Variants in MSR1 observed in about 807,000 individuals in gnomAD.
MSR1 encodes macrophage scavenger receptor 1.
Under a neutral mutation model 47.2 loss-of-function variants are expected in MSR1, and 53 were observed. The ratio of observed to expected loss-of-function variants is 1.12; its 90% CI spans 0.90 to 1.41. The LOEUF (loss-of-function observed/expected upper bound fraction) is 1.41, where lower values mean the gene tolerates loss of function less well. Among genes scored for constraint, MSR1 ranks in the 40% most tolerant of loss-of-function variants. MSR1 has a pLI of 0.00. For missense variants in MSR1, 786 were observed against 546.9 expected, an observed-to-expected ratio of 1.44 and a Z score of -4.36; for synonymous variants, 239 against 185.6, an observed-to-expected ratio of 1.29 and a Z score of -2.34.
chr8:16,134,275 T>C (rs1800336524), intron 8 of MSR1, among the ~76,000 whole-genome samples: 1 of 152,142 alleles, frequency 6.6e-6, no homozygotes, highest in Non-Finnish European at 1.5e-5. Context: ...TGCATCAAAT[T>C]AGATTCTATT....
At chr8:16,144,650 A>C (rs1800650868) in intron 7 of MSR1, among the ~76,000 whole-genome samples, 1 of 152,060 alleles carries the variant, frequency 6.6e-6, no homozygotes, top group Admixed American at 6.6e-5. Flanking sequence ...AATCTTTCTG[A>C]GCTAAAGTTT....
In MSR1 at chr8:16,109,028, G is replaced by T. The variant is rs998432410; in HGVS notation, c.*1057C>A. 1 of 152,032 alleles carries T rather than the reference G, an allele frequency of 6.6e-6. No individual in the cohort carries two copies. The highest frequency in any genetic ancestry group is 2.4e-5 in the African/African-American group (1 of 41,452). 9.4% of individuals were successfully genotyped at this position (152,032 alleles called of 1,614,324 possible). A position where few individuals can be genotyped will look rare whatever the true frequency, so the allele number is the denominator to read the frequency against. On this transcript the variant is annotated 3_prime_UTR_variant, in exon 10 of 10. Transcript: ENST00000262101. ...TCTTTCTGCAGGCAGTCACTTTCAG[G>T]GTAGAATTACTGGGTTTCAGGGTAG...
chr8:16,171,892 A>G (rs1444638926), intron 3 of MSR1, among the ~76,000 whole-genome samples: 1 of 152,190 alleles, frequency 6.6e-6, no homozygotes, highest in Non-Finnish European at 1.5e-5. Flanking sequence ...ACCTGTATAA[A>G]TGGGGTACTA....
At position 16,147,096 on chromosome 8, in the gene MSR1, A is replaced by G. The variant is rs578034179; in HGVS notation, c.979+3135T>C. ...TTATTTGCATGCTGAAAGTTCTACT[A>G]TGTTGAACAAGGTAGAACAGAACCT... On this transcript the variant is annotated intron_variant, in intron 7 of 9. Transcript: ENST00000262101. 7.2e-5 allele frequency among the ~76,000 whole-genome samples: 11 copies of G among 152,316 alleles called. No homozygotes were observed. The East Asian group carries it at 1.9e-3, about 27-fold the overall frequency.
chr8:16,117,431 A>G (rs1185247637), intron 9 of MSR1, among the ~76,000 whole-genome samples: 1 of 151,982 alleles, frequency 6.6e-6, no homozygotes, highest in Non-Finnish European at 1.5e-5. Flanking sequence ...TTGCTTGTAG[A>G]CTCATATCAA....
intron 7 of MSR1, among the ~76,000 whole-genome samples, chr8:16,146,919 CA>C (rs1800715199): frequency 6.6e-6 from 1 of 152,074 alleles, no homozygotes; most frequent in Non-Finnish European, 1.5e-5. Context: ...CCATGAATCA[CA>C]GAGAGAAAAT....
chr8:16,154,444 G>A (rs1381965068), intron 6 of MSR1, among the ~76,000 whole-genome samples: 1 of 151,838 alleles, frequency 6.6e-6, no homozygotes, highest in Non-Finnish European at 1.5e-5. Context: ...CAACTTAGAG[G>A]AAAATAATTT....
intron 8 of MSR1, among the ~76,000 whole-genome samples, chr8:16,128,608 C>T (rs1357546928): frequency 6.6e-6 from 1 of 152,126 alleles, no homozygotes; most frequent in Non-Finnish European, 1.5e-5. Flanking sequence ...CCCAAGCAGA[C>T]TAATACGTTT....
chr8:16,124,424 G>A (rs1399138022), intron 8 of MSR1, among the ~76,000 whole-genome samples: 1 of 152,178 alleles, frequency 6.6e-6, no homozygotes, highest in Non-Finnish European at 1.5e-5. Context: ...CTTGTCAAGT[G>A]ACTTGTGGAA....
rs1439345776 is a variant in MSR1 at position 16,120,451 on chromosome 8, G to T, written c.1189C>A (p.Gln397Lys). The T allele has an allele frequency of 6.2e-7, 1 of 1,613,642 alleles. No individual in the cohort carries two copies. The highest frequency in any genetic ancestry group is 8.5e-7 in the Non-Finnish European group (1 of 1,179,918). ...VCRSLGYPGV[Q>K]AVHKAAHFGQ... Reference sequence around the variant, plus strand: ...AAGTGAGCTGCCTTGTGCACGGCTTGAACACCTGGGTATCCCAAGCTCCTA... The same window carrying T: ...AAGTGAGCTGCCTTGTGCACGGCTTTAACACCTGGGTATCCCAAGCTCCTA... Residue 397 changes from glutamine to lysine, a missense_variant, in exon 9 of 10, where the codon CAA (glutamine) becomes AAA (lysine). Coordinates refer to ENST00000262101, the MANE Select transcript of MSR1 (RefSeq NM_138715.3).
intron 7 of MSR1, among the ~76,000 whole-genome samples, chr8:16,147,232 T>C (rs944600744): frequency 1.3e-5 from 2 of 152,200 alleles, no homozygotes; most frequent in African/African-American, 4.8e-5. Context: ...CTGCTATGCA[T>C]GGAGAAAGTG....
intron 1 of MSR1, among the ~76,000 whole-genome samples, chr8:16,184,609 C>T (rs534599541): frequency 1.3e-5 from 2 of 152,006 alleles, no homozygotes; most frequent in South Asian, 2.1e-4. Flanking sequence ...CACAACCTAC[C>T]CAAAATATAA....
Position 16,175,216 on chromosome 8 carries a change from A to G in MSR1, c.188T>C (p.Val63Ala), listed in dbSNP as rs868425510. The change falls in exon 3 of 10, where the codon GTT (valine) becomes GCT (alanine). Residue 63 changes from valine (V) to alanine (A), a missense_variant. Coordinates refer to ENST00000262101, the MANE Select transcript of MSR1 (RefSeq NM_138715.3). Reference sequence around the variant, plus strand: ...CACTATTCCAATGAGAGGGATGAGAACTGCAAACACGAGGAGGTAAAGGGC... The same window carrying G: ...CACTATTCCAATGAGAGGGATGAGAGCTGCAAACACGAGGAGGTAAAGGGC... ...LIALYLLVFA[V>A]LIPLIGIVAA... The G allele has an allele frequency of 2.5e-6, 4 of 1,614,076 alleles. No homozygotes were observed. The highest frequency in any genetic ancestry group is 3.4e-6 in the Non-Finnish European group (4 of 1,179,976).
chr8:16,183,724 G>C (rs401635), intron 1 of MSR1, among the ~76,000 whole-genome samples: 30,529 of 137,806 alleles, frequency 0.22, 4,318 homozygotes, highest in East Asian at 0.54. Flanking sequence ...TATATATTTG[G>C]CAATTATATA....
chr8:16,115,764 G>C (rs1244042679), intron 9 of MSR1, among the ~76,000 whole-genome samples: 1 of 152,038 alleles, frequency 6.6e-6, no homozygotes, highest in African/African-American at 2.4e-5. Context: ...GATTGCTTGA[G>C]GCTAGGAGTT....
At chr8:16,142,182 G>T (rs966943897) in intron 8 of MSR1, among the ~76,000 whole-genome samples, 1 of 152,020 alleles carries the variant, frequency 6.6e-6, no homozygotes, top group South Asian at 2.1e-4. Context: ...ACAAAAATTA[G>T]CTGGGTGTGG....
intron 1 of MSR1, among the ~76,000 whole-genome samples, chr8:16,191,167 G>A (rs144740727): frequency 2.0e-5 from 3 of 152,160 alleles, no homozygotes; most frequent in African/African-American, 4.8e-5. Flanking sequence ...AAGATTATTT[G>A]TGAAACTAAC....
intron 1 of MSR1, among the ~76,000 whole-genome samples, chr8:16,183,527 CAT>C (rs1043506054): frequency 5.5e-5 from 8 of 144,188 alleles, no homozygotes; most frequent in African/African-American, 2.0e-4. Context: ...ACATCTATAA[CAT>C]GTAATACATA....
In MSR1 at chr8:16,109,587, T is replaced by C. The variant is rs1016737254; in HGVS notation, c.*498A>G. On this transcript the variant is annotated 3_prime_UTR_variant, in exon 10 of 10. Coordinates refer to ENST00000262101, the MANE Select transcript of MSR1 (RefSeq NM_138715.3). ...GTTATTGCACATTGAGATATCTTAA[T>C]AGTTGGATAACATTCTTATTTTAAA... 1.2e-5 allele frequency: 2 copies of C among 169,298 alleles called. No homozygotes were observed. Among genetic ancestry groups the C allele is most frequent in the African/African-American group, 2.4e-5 (1 of 41,544 alleles). 10.5% of individuals were successfully genotyped at this position (169,298 alleles called of 1,614,324 possible).
Sources: allele counts gnomAD v4.1 joint callset (sites outside exome capture counted in the v4.1 genomes callset), GRCh38; gene constraint gnomAD v4.1.1; transcripts MANE v1.5; gene names NCBI Gene and HGNC (gene_info 2026-07-23, HGNC 2026-07-21).